WNT2B: variants seen among roughly 807,000 people sequenced by gnomAD.
WNT2B encodes Wnt family member 2B, also known as protein Wnt-2b.
Under a neutral mutation model 40.5 loss-of-function variants are expected in WNT2B, and 19 were observed. That is an observed-to-expected ratio of 0.47 (90% CI 0.33 to 0.69). WNT2B has a LOEUF of 0.69. WNT2B is among the 30% of genes least tolerant of loss of function. The probability of loss-of-function intolerance (pLI) is 0.02; values close to 1 mark genes in which losing one functional copy is unlikely to be tolerated. For synonymous variants in WNT2B, 220 were observed against 211.9 expected (o/e 1.04, Z -0.33); for missense variants, 467 against 556.4 (o/e 0.84, Z 1.62).
intron 1 of WNT2B, among the ~76,000 whole-genome samples, chr1:112,512,230 A>G (rs1353212314): frequency 6.6e-6 from 1 of 152,238 alleles, no homozygotes; most frequent in Non-Finnish European, 1.5e-5. Context: ...GGGATAAATC[A>G]GAACAGTTAG....
rs539863992 is a variant in WNT2B at position 112,495,668 on chromosome 1, G to A, written c.-94-19206G>A. ...CTGAATACACCAATTTGATGACAGA[G>A]ATTGTCAGACTGATCAAACAATAAG... On this transcript the variant is annotated intron_variant, in intron 1 of 4. Coordinates refer to the WNT2B transcript ENST00000256640. Among the ~76,000 whole-genome samples, 4 of 151,262 alleles carry A rather than the reference G, an allele frequency of 2.6e-5. No individual in the cohort carries two copies. The South Asian group carries it at 6.3e-4, about 24-fold the overall frequency.
At chr1:112,483,572 AT>A (rs34112137) in intron 1 of WNT2B, among the ~76,000 whole-genome samples, 45,403 of 150,310 alleles carry the variant, frequency 0.3, 7,798 homozygotes, top group African/African-American at 0.47. Context: ...CTGGGAAATG[AT>A]TTTTTTTTTG....
intron 1 of WNT2B, among the ~76,000 whole-genome samples, chr1:112,490,265 A>G (rs1651555310): frequency 6.6e-6 from 1 of 152,188 alleles, no homozygotes; most frequent in Non-Finnish European, 1.5e-5. Flanking sequence ...TGTTGGAGAA[A>G]GGTCCTGGGG....
At chr1:112,502,002 G>A (rs1470356989) in intron 1 of WNT2B, among the ~76,000 whole-genome samples, 1 of 152,250 alleles carries the variant, frequency 6.6e-6, no homozygotes, top group Non-Finnish European at 1.5e-5. Flanking sequence ...CGCGGCGCCC[G>A]GTTCACAGGG....
chr1:112,479,743 G>A lies in WNT2B; in HGVS notation c.-95+12152G>A, dbSNP rs920718534. Among the ~76,000 whole-genome samples the A allele has an allele frequency of 4.0e-5, 6 of 151,770 alleles. No individual in the cohort carries two copies. In the East Asian group the frequency reaches 5.9e-4, roughly 15 times the overall value. ...TGTTTTATTTTTGAGACGGGGTCTCGCTCTGTCTCCCAGGCTGGAGCGCAG... is the reference window on the plus strand; with the variant it reads ...TGTTTTATTTTTGAGACGGGGTCTCACTCTGTCTCCCAGGCTGGAGCGCAG... On this transcript the variant is annotated intron_variant, in intron 1 of 4. Transcript: ENST00000256640.
intron 4 of WNT2B, 59 bp from the exon 5 acceptor site, chr1:112,520,221 G>C: frequency 6.7e-7 from 1 of 1,502,820 alleles, no homozygotes; most frequent in Non-Finnish European, 9.1e-7. Flanking sequence ...TGTGGTTAAG[G>C]GTATCCAGGG....
chr1:112,516,633 T>C (rs1408884148), intron 3 of WNT2B, among the ~76,000 whole-genome samples: 6 of 151,978 alleles, frequency 3.9e-5, no homozygotes, highest in Non-Finnish European at 7.4e-5. Flanking sequence ...AGGTGGAAAG[T>C]AGGAAAAGGT....
chr1:112,513,503 T>G (rs1652425121), intron 1 of WNT2B, among the ~76,000 whole-genome samples: 1 of 121,932 alleles, frequency 8.2e-6, no homozygotes, highest in South Asian at 2.7e-4. Context: ...GTGTCACCAG[T>G]GGTGATCCAG....
rs966171454 is a variant in WNT2B at position 112,528,612 on chromosome 1, T to C, written c.*8103T>C. 6.6e-6 allele frequency: 1 copy of C among 152,202 alleles called. No homozygotes were observed. Among genetic ancestry groups the C allele is most frequent in the Non-Finnish European group, 1.5e-5 (1 of 68,032 alleles). 9.4% of individuals were successfully genotyped at this position (152,202 alleles called of 1,614,324 possible). ...ATATCAAATATCCTATCCAGTACTGTGATACATTAATGTAGGCTTACAGGC... is the reference window on the plus strand; with the variant it reads ...ATATCAAATATCCTATCCAGTACTGCGATACATTAATGTAGGCTTACAGGC... On this transcript the variant is annotated 3_prime_UTR_variant, in exon 5 of 5. Transcript: ENST00000369684.
At chr1:112,489,054 G>A (rs919068774) in intron 1 of WNT2B, among the ~76,000 whole-genome samples, 11 of 152,102 alleles carry the variant, frequency 7.2e-5, no homozygotes, top group African/African-American at 2.7e-4. Context: ...CACTCTTAAA[G>A]GTCAGGTATG....
chr1:112,525,823 T>A lies in WNT2B; in HGVS notation c.*5314T>A. ...AAGACAATTTCATCTACAGTTGTCC[T>A]TTTTGACAGCTTCCAAGGGGGGTTT... On this transcript the variant is annotated 3_prime_UTR_variant, in exon 5 of 5. Transcript: ENST00000369684. 1 of 696,318 alleles carries A rather than the reference T, an allele frequency of 1.4e-6. No individual in the cohort carries two copies. Among genetic ancestry groups the A allele is most frequent in the African/African-American group, 1.8e-5 (1 of 56,266 alleles). The allele number at this position is 696,318 out of a possible 1,614,324, so 43.1% of individuals were successfully genotyped here.
intron 4 of WNT2B, among the ~76,000 whole-genome samples, chr1:112,518,847 T>C (rs762278994): frequency 2.6e-5 from 4 of 152,134 alleles, no homozygotes; most frequent in Non-Finnish European, 4.4e-5. Flanking sequence ...TCCAAAGCAA[T>C]AGAGTCCAAT....
chr1:112,493,239 G>A (rs1439723870), intron 1 of WNT2B, among the ~76,000 whole-genome samples: 1 of 152,214 alleles, frequency 6.6e-6, no homozygotes, highest in African/African-American at 2.4e-5. Context: ...GCACTACGAC[G>A]AAAGAATGCC....
In WNT2B at chr1:112,476,141, C is replaced by T. The variant is rs550149146; in HGVS notation, c.-95+8550C>T. On this transcript the variant is annotated intron_variant, in intron 1 of 4. Coordinates refer to the WNT2B transcript ENST00000256640. ...GAATTCAATTAGAGTAAATAAAATGCGGGTTTCTGGGATATCCCTAAATAT... is the reference window on the plus strand; with the variant it reads ...GAATTCAATTAGAGTAAATAAAATGTGGGTTTCTGGGATATCCCTAAATAT... Among the ~76,000 whole-genome samples the T allele has an allele frequency of 4.4e-4, 67 of 152,054 alleles. 1 individual carries two copies. Among genetic ancestry groups the T allele is most frequent in the Middle Eastern group, 3.4e-3 (1 of 294 alleles).
At chr1:112,497,037 C>T (rs1023837949) in intron 1 of WNT2B, among the ~76,000 whole-genome samples, 2 of 152,226 alleles carry the variant, frequency 1.3e-5, no homozygotes, top group African/African-American at 4.8e-5. Flanking sequence ...GTCCTGCCTT[C>T]CAGACACACT....
chr1:112,507,891 C>G (rs113218105), upstream of WNT2B, among the ~76,000 whole-genome samples: 1 of 152,142 alleles, frequency 6.6e-6, no homozygotes, highest in Non-Finnish European at 1.5e-5. Flanking sequence ...TTACTTCTGA[C>G]GGAGGGCCAC....
chr1:112,486,152 C>CACACACACACACACACACACACAT lies in WNT2B; in HGVS notation c.-95+18567_-95+18568insACACACACACACACACATACACAC, dbSNP rs1364972062. 1.8e-3 allele frequency among the ~76,000 whole-genome samples: 270 copies of CACACACACACACACACACACACAT among 151,756 alleles called. 2 individuals are homozygous for CACACACACACACACACACACACAT. The highest frequency in any genetic ancestry group is 6.1e-3 in the African/African-American group (251 of 41,304). On this transcript the variant is annotated intron_variant, in intron 1 of 4. Transcript: ENST00000256640. ...TTTTTAACACACACACACACACACACACACACCAGGCTGGGTGCTGTGGCT... is the reference window on the plus strand; with the variant it reads ...TTTTTAACACACACACACACACACACACACACACACACACACACACACATACACACCAGGCTGGGTGCTGTGGCT...
chr1:112,518,694 C>A (rs921262548), intron 4 of WNT2B, among the ~76,000 whole-genome samples: 6 of 152,112 alleles, frequency 3.9e-5, no homozygotes, highest in African/African-American at 1.2e-4. Flanking sequence ...AGGGAAGGAA[C>A]TTTGGAGTTA....
Position 112,528,945 on chromosome 1 carries a change from C to T in WNT2B, c.*8436C>T, listed in dbSNP as rs1379628185. The T allele has an allele frequency of 1.3e-5, 2 of 152,198 alleles. No individual in the cohort carries two copies. Among genetic ancestry groups the T allele is most frequent in the Non-Finnish European group, 2.9e-5 (2 of 68,038 alleles). 9.4% of individuals were successfully genotyped at this position (152,198 alleles called of 1,614,324 possible). A position where few individuals can be genotyped will look rare whatever the true frequency, so the allele number is the denominator to read the frequency against. Reference sequence around the variant, plus strand: ...AGCCAAAGAAGGAGACAAATTCTAACTTCATGATCTCTAGTTAGGTGTCTA... The same window carrying T: ...AGCCAAAGAAGGAGACAAATTCTAATTTCATGATCTCTAGTTAGGTGTCTA... On this transcript the variant is annotated 3_prime_UTR_variant, in exon 5 of 5. Transcript: ENST00000369684.
Sources: gnomAD v4.1 joint callset for allele counts (sites outside exome capture counted in the v4.1 genomes callset) on GRCh38, gnomAD v4.1.1 for gene constraint, MANE v1.5 for transcripts, NCBI Gene and HGNC (gene_info 2026-07-23, HGNC 2026-07-21) for gene names.